Variants in HECW1 observed in about 807,000 individuals in gnomAD.
HECW1 encodes E3 ubiquitin-protein ligase HECW1.
HECW1 carries 61 observed loss-of-function variants against 182.3 expected under a neutral mutation model. The ratio of observed to expected loss-of-function variants is 0.33; its 90% CI spans 0.27 to 0.41. The LOEUF (loss-of-function observed/expected upper bound fraction) is 0.41. Ranked by LOEUF, HECW1 falls within the 10% of genes least tolerant of loss-of-function variation. The probability of loss-of-function intolerance (pLI) is 1.00; values close to 1 mark genes in which losing one functional copy is unlikely to be tolerated. For synonymous variants in HECW1, 859 were observed against 832.6 expected, an observed-to-expected ratio of 1.03 and a Z score of -0.55; for missense variants, 1,739 against 2,108.9, an observed-to-expected ratio of 0.82 and a Z score of 3.44.
At position 43,256,127 on chromosome 7, in the gene HECW1, G is replaced by A. The variant is rs1800542701; in HGVS notation, c.27+12195G>A. Among the ~76,000 whole-genome samples the A allele has an allele frequency of 5.3e-5, 8 of 152,228 alleles. No homozygotes were observed. In the South Asian group the frequency reaches 1.5e-3, roughly 28 times the overall value. On this transcript the variant is annotated intron_variant, in intron 3 of 29. Transcript: ENST00000395891. Reference sequence around the variant, plus strand: ...TAACTCACGCTCTAGGTCCATAGTAGGCCCTCGTAAATGTTTTGAGATTCT... The same window carrying A: ...TAACTCACGCTCTAGGTCCATAGTAAGCCCTCGTAAATGTTTTGAGATTCT...
chr7:43,313,884 G>T (rs968426600), intron 4 of HECW1, among the ~76,000 whole-genome samples: 9 of 152,142 alleles, frequency 5.9e-5, no homozygotes, highest in Non-Finnish European at 1.0e-4. Context: ...CCTTCATCAT[G>T]AGTGTCTTTT....
chr7:43,312,117 A>G (rs1194852349), intron 4 of HECW1, 30 bp downstream of exon 4: 17 of 1,563,638 alleles, frequency 1.1e-5, no homozygotes, highest in Non-Finnish European at 1.4e-5. Flanking sequence ...TGTATTATTC[A>G]TAATTCACTT....
chr7:43,485,535 A>C (rs975245860), intron 17 of HECW1, among the ~76,000 whole-genome samples: 8 of 152,208 alleles, frequency 5.3e-5, no homozygotes, highest in African/African-American at 1.9e-4. Context: ...TAGATGGTAT[A>C]GCCTACCACA....
intron 2 of HECW1, among the ~76,000 whole-genome samples, chr7:43,141,046 G>T (rs57092973): frequency 0.056 from 8,526 of 152,206 alleles, 803 homozygotes; most frequent in African/African-American, 0.19. Context: ...CATGCGGTGG[G>T]TTAGGACATC....
intron 16 of HECW1, among the ~76,000 whole-genome samples, chr7:43,470,914 C>T (rs2077997360): frequency 6.6e-6 from 1 of 152,146 alleles, no homozygotes; most frequent in African/African-American, 2.4e-5. Context: ...CAGAGAGGAA[C>T]AAAGGAGGAT....
intron 2 of HECW1, among the ~76,000 whole-genome samples, chr7:43,131,561 A>T (rs2152620916): frequency 1.3e-5 from 2 of 152,336 alleles, no homozygotes; most frequent in Middle Eastern, 3.4e-3. Flanking sequence ...CATAGAAATG[A>T]TTCTCAAAAG....
rs1005635013 is a variant in HECW1 at position 43,468,422 on chromosome 7, G to A, written c.2914-498G>A. ...GACAGCGAGAAAACCATGTGGAGTC[G>A]CACAGAGAGGTGGGCCGTGTCCCAA... On this transcript the variant is annotated intron_variant, in intron 15 of 29. Coordinates refer to ENST00000395891, the MANE Select transcript of HECW1 (RefSeq NM_015052.5). Among the ~76,000 whole-genome samples the A allele has an allele frequency of 9.9e-5, 15 of 152,242 alleles. No homozygotes were observed. The South Asian group carries it at 2.1e-3, about 21-fold the overall frequency.
intron 3 of HECW1, chr7:43,258,824 T>C (rs1233704291): frequency 1.3e-5 from 2 of 152,228 alleles, no homozygotes; most frequent in African/African-American, 2.4e-5. Context: ...ATGTCTTGAG[T>C]TGGGCAACAG....
chr7:43,327,961 ATAT>A (rs4049927), intron 5 of HECW1, among the ~76,000 whole-genome samples: 24,465 of 146,080 alleles, frequency 0.17, 2,107 homozygotes, highest in Middle Eastern at 0.26. Flanking sequence ...TGAACCATTT[ATAT>A]TATTATTATT....
At chr7:43,322,936 A>G (rs1810319959) in intron 5 of HECW1, among the ~76,000 whole-genome samples, 1 of 152,184 alleles carries the variant, frequency 6.6e-6, no homozygotes, top group Non-Finnish European at 1.5e-5. Flanking sequence ...CACAAACACA[A>G]CTTGAAAGTT....
intron 2 of HECW1, among the ~76,000 whole-genome samples, chr7:43,158,017 C>A (rs2152653260): frequency 6.6e-6 from 1 of 152,282 alleles, no homozygotes; most frequent in East Asian, 1.9e-4. Context: ...GCTTTAATTT[C>A]CTTATCAATA....
At chr7:43,297,826 C>T (rs1806231637) in intron 3 of HECW1, among the ~76,000 whole-genome samples, 1 of 152,214 alleles carries the variant, frequency 6.6e-6, no homozygotes, top group South Asian at 2.1e-4. Flanking sequence ...ACTCCCAGCA[C>T]TTTGAGAGGC....
intron 3 of HECW1, among the ~76,000 whole-genome samples, chr7:43,249,799 C>G (rs552838574): frequency 1.3e-5 from 2 of 152,252 alleles, no homozygotes; most frequent in Non-Finnish European, 2.9e-5. Flanking sequence ...CTTGGTAGTG[C>G]TAGATTTAGA....
chr7:43,398,355 A>C (rs2075299226), intron 7 of HECW1, among the ~76,000 whole-genome samples: 1 of 152,188 alleles, frequency 6.6e-6, no homozygotes, highest in African/African-American at 2.4e-5. Context: ...CACACACTCA[A>C]TCCCACCCTA....
intron 2 of HECW1, among the ~76,000 whole-genome samples, chr7:43,177,197 C>G (rs1012920406): frequency 2.6e-5 from 4 of 152,136 alleles, no homozygotes; most frequent in Admixed American, 2.6e-4. Context: ...GAATATTGCT[C>G]TCTCACACAT....
At chr7:43,335,983 T>C (rs12702030) in intron 5 of HECW1, among the ~76,000 whole-genome samples, 29 of 144,182 alleles carry the variant, frequency 2.0e-4, no homozygotes, top group African/African-American at 6.5e-4. Context: ...CTCTCTCTCT[T>C]TCTCTCTCTC....
chr7:43,311,984 C>A lies in HECW1; in HGVS notation c.249C>A (p.Val83=). The A allele has an allele frequency of 6.2e-7, 1 of 1,614,264 alleles. No homozygotes were observed. The highest frequency in any genetic ancestry group is 8.5e-7 in the Non-Finnish European group (1 of 1,180,048). Reference sequence around the variant, plus strand: ...CGGACAGCCGCTCCACGCTCATGGTCAGCAGCTCCTACTATTCCATCGGGC... The same window carrying A: ...CGGACAGCCGCTCCACGCTCATGGTAAGCAGCTCCTACTATTCCATCGGGC... The part of the protein sequence containing the change: ...VTSDSRSTLM[V]SSSYYSIGHS... Residue 83 remains valine, a synonymous_variant, in exon 4 of 30, where the codon GTC becomes GTA. Transcript: ENST00000395891.
At chr7:43,256,508 C>G (rs1230841283) in intron 3 of HECW1, among the ~76,000 whole-genome samples, 3 of 150,966 alleles carry the variant, frequency 2.0e-5, no homozygotes, top group African/African-American at 7.3e-5. Context: ...ACTCGGGAGG[C>G]TGAAGCAGGA....
chr7:43,464,395 G>A (rs981933018), intron 14 of HECW1, among the ~76,000 whole-genome samples: 1 of 152,136 alleles, frequency 6.6e-6, no homozygotes, highest in Admixed American at 6.5e-5. Context: ...CACTACAGTA[G>A]GCATTCACCT....
Sources: gnomAD v4.1 joint callset for allele counts (sites outside exome capture counted in the v4.1 genomes callset) on GRCh38, gnomAD v4.1.1 for gene constraint, MANE v1.5 for transcripts, NCBI Gene and HGNC (gene_info 2026-07-23, HGNC 2026-07-21) for gene names.